The following CCDC88C variants were observed in gnomAD, a reference collection of about 807,000 sequenced individuals.
CCDC88C encodes the protein coiled-coil and HOOK domain protein 88C.
In CCDC88C, 131 loss-of-function variants were observed where a neutral mutation model predicts 198.8. That is an observed-to-expected ratio of 0.66 (90% CI 0.57 to 0.76). The LOEUF is 0.76. CCDC88C is among the 30% of genes least tolerant of loss of function. The pLI, the probability that CCDC88C is intolerant of heterozygous loss-of-function variation, is 0.00. For missense variants in CCDC88C, 2,553 were observed against 2,631.6 expected (o/e 0.97, Z 0.65); for synonymous variants, 1,166 against 1,114.7 (o/e 1.05, Z -0.92).
chr14:91,300,210 G>A (rs1204768184), intron 20 of CCDC88C, 140 bp from the exon 21 acceptor site: 2 of 1,289,906 alleles, frequency 1.6e-6, no homozygotes, highest in Non-Finnish European at 2.1e-6. Flanking sequence ...TGAGGGGCAT[G>A]GGGCAGGGAA....
In CCDC88C at chr14:91,371,525, C is replaced by T; in HGVS notation, c.271-11814G>A. On this transcript the variant is annotated intron_variant, in intron 3 of 29. Coordinates refer to ENST00000389857, the MANE Select transcript of CCDC88C (RefSeq NM_001080414.4). This position sits in a 1 kb window ranked among gnomAD's most constrained non-coding sequence, Gnocchi z 4.2. ...GGCAGGAGTACAGCACAGACCAAGA[C>T]CACAGTCTTGGTCCCGAGGAGCCTG... Among the ~76,000 whole-genome samples the T allele has an allele frequency of 6.6e-6, 1 of 152,076 alleles. No homozygotes were observed. The highest frequency in any genetic ancestry group is 1.9e-4 in the East Asian group (1 of 5,180).
intron 10 of CCDC88C, 145 bp from the exon 11 acceptor site, chr14:91,326,201 CTTT>C (rs200507629): frequency 3.5e-6 from 2 of 567,464 alleles, no homozygotes; most frequent in Middle Eastern, 3.6e-4. Context: ...TTTTCCTCTA[CTTT>C]TTTTTTTATC....
Position 91,338,283 on chromosome 14 carries a change from G to T in CCDC88C, c.892-120C>A. 1 of 1,269,530 alleles carries T rather than the reference G, an allele frequency of 7.9e-7. No homozygotes were observed. The highest frequency in any genetic ancestry group is 1.1e-6 in the Non-Finnish European group (1 of 913,870). The allele number at this position is 1,269,530 out of a possible 1,614,324, so 78.6% of individuals were successfully genotyped here. On this transcript the variant is annotated intron_variant, in intron 9 of 29. Transcript: ENST00000389857. This position sits in a 1 kb window ranked among gnomAD's most constrained non-coding sequence, Gnocchi z 4.8. ...GCCCAGGACAAGCCAGCTCCTGGTG[G>T]CCGGGGGCCTCCATGTGCCACCACC...
intron 3 of CCDC88C, among the ~76,000 whole-genome samples, chr14:91,404,612 A>G (rs1886382516): frequency 6.6e-6 from 1 of 152,172 alleles, no homozygotes; most frequent in South Asian, 2.1e-4. Context: ...ACTCTCACCC[A>G]CTGATTCTCA....
At chr14:91,400,865 C>T (rs964187152) in intron 3 of CCDC88C, among the ~76,000 whole-genome samples, 4 of 152,110 alleles carry the variant, frequency 2.6e-5, no homozygotes, top group Non-Finnish European at 4.4e-5. Context: ...TGTCCTTTGA[C>T]CTAGGAACTC....
intron 20 of CCDC88C, among the ~76,000 whole-genome samples, chr14:91,303,033 C>T (rs547822203): frequency 4.6e-5 from 7 of 152,304 alleles, no homozygotes; most frequent in African/African-American, 1.7e-4. Context: ...CTAAAGGTAA[C>T]GTTTATTTCC....
At chr14:91,384,536 AATC>A (rs908859468) in intron 3 of CCDC88C, 5 of 507,074 alleles carry the variant, frequency 9.9e-6, no homozygotes, top group African/African-American at 7.8e-5. Context: ...TCTTCATCAT[AATC>A]ATCACCCCAT....
rs1450782365 is a variant in CCDC88C at position 91,326,006 on chromosome 14, C to T, written c.1101G>A (p.Glu367=). Residue 367 remains glutamate (E), a synonymous_variant, in exon 11 of 30, where the codon GAG becomes GAA. Coordinates refer to ENST00000389857, the MANE Select transcript of CCDC88C (RefSeq NM_001080414.4). ...GGGCCCGAGCAGCAGTCAGCTGTTC[C>T]TCCAGCATGGCCTTGGTTTCAATTA... is the stretch of plus-strand genomic sequence containing the variant. ...IILIETKAML[E]EQLTAARARG... is the part of the protein sequence containing the mutation. 6.2e-7 allele frequency: 1 copy of T among 1,604,786 alleles called. No homozygotes were observed. The highest frequency in any genetic ancestry group is 1.1e-5 in the South Asian group (1 of 89,324).
chr14:91,289,046 C>A, intron 25 of CCDC88C, 59 bp downstream of exon 25: 1 of 1,411,256 alleles, frequency 7.1e-7, no homozygotes, highest in Non-Finnish European at 9.8e-7. Context: ...GCCACCGGTG[C>A]GGGACCCTTC....
chr14:91,371,472 C>T lies in CCDC88C; in HGVS notation c.271-11761G>A, dbSNP rs576798259. Among the ~76,000 whole-genome samples, 17 of 152,118 alleles carry T rather than the reference C, an allele frequency of 1.1e-4. No homozygotes were observed. Among genetic ancestry groups the T allele is most frequent in the South Asian group, 6.2e-4 (3 of 4,814 alleles). ...TCCAGGCCCAGCCAACCTCACCCGCCGGTGGCAGGAGTACAGAGGCCGGCG... is the reference window on the plus strand; with the variant it reads ...TCCAGGCCCAGCCAACCTCACCCGCTGGTGGCAGGAGTACAGAGGCCGGCG... On this transcript the variant is annotated intron_variant, in intron 3 of 29. Transcript: ENST00000389857. This position sits in a 1 kb window ranked among gnomAD's most constrained non-coding sequence, Gnocchi z 4.2.
At chr14:91,400,102 T>C (rs556318178) in intron 3 of CCDC88C, among the ~76,000 whole-genome samples, 8 of 151,708 alleles carry the variant, frequency 5.3e-5, no homozygotes, top group East Asian at 1.9e-4. Context: ...CCATATCCCA[T>C]GTCCTGCGTA....
intron 4 of CCDC88C, among the ~76,000 whole-genome samples, chr14:91,355,319 G>A (rs1434662040): frequency 2.0e-5 from 3 of 152,166 alleles, no homozygotes; most frequent in Non-Finnish European, 2.9e-5. Context: ...GGCGAAGGAC[G>A]CTCTACGGCA....
Position 91,273,329 on chromosome 14 carries a change from C to A in CCDC88C, c.5383G>T (p.Ala1795Ser). 2 of 1,553,192 alleles carry A rather than the reference C, an allele frequency of 1.3e-6. No individual in the cohort carries two copies. Among genetic ancestry groups the A allele is most frequent in the Non-Finnish European group, 1.7e-6 (2 of 1,147,488 alleles). ...CGGCTCAAGGAGGCACTGCGGCTGGCAGGTGCATGGGAAGCTGGGGGCACC... is the reference window on the plus strand; with the variant it reads ...CGGCTCAAGGAGGCACTGCGGCTGGAAGGTGCATGGGAAGCTGGGGGCACC... ...APVPPASHAP[A>S]SRSASLSRAF... Residue 1795 changes from alanine to serine, a missense_variant, in exon 30 of 30, where the codon GCC (alanine) becomes TCC (serine). Transcript: ENST00000389857. The surrounding 1 kb of genome is among the most constrained non-coding windows in gnomAD (Gnocchi z 5.6).
rs756980237 is a variant in CCDC88C, at chr14:91,314,118, G to A, written c.1698C>T (p.Leu566=). 2.7e-5 allele frequency: 43 copies of A among 1,612,664 alleles called. No individual in the cohort carries two copies. The highest frequency in any genetic ancestry group is 3.6e-5 in the Non-Finnish European group (42 of 1,179,538). ...CCCGCAGCGACCACATGGCTCGGTT[G>A]AGGTGGTCCTTTTCCTGCTCAAGGT... ...IKDLEQEKDH[L]NRAMWSLRER... The change falls in exon 15 of 30, where the codon CTC becomes CTT. Residue 566 remains leucine (L), a synonymous_variant. Transcript: ENST00000389857.
intron 3 of CCDC88C, among the ~76,000 whole-genome samples, chr14:91,386,295 A>AT (rs1885134925): frequency 1.3e-5 from 2 of 149,814 alleles, no homozygotes; most frequent in Non-Finnish European, 3.0e-5. Flanking sequence ...AATACAAAAA[A>AT]AAAAAAAAAC....
At chr14:91,385,815 T>G (rs1436498635) in intron 3 of CCDC88C, among the ~76,000 whole-genome samples, 1 of 150,992 alleles carries the variant, frequency 6.6e-6, no homozygotes, top group Non-Finnish European at 1.5e-5. Flanking sequence ...AAAAAAATAA[T>G]TAATTAAAAC....
chr14:91,275,768 A>G (rs959273433), intron 29 of CCDC88C, among the ~76,000 whole-genome samples: 2 of 150,410 alleles, frequency 1.3e-5, no homozygotes, highest in African/African-American at 4.9e-5. Context: ...CAGCCTCCCA[A>G]AGTGCTGGAA....
At chr14:91,374,952 A>G (rs1472509986) in intron 3 of CCDC88C, among the ~76,000 whole-genome samples, 1 of 152,024 alleles carries the variant, frequency 6.6e-6, no homozygotes, top group African/African-American at 2.4e-5. Flanking sequence ...ATGTGGTGAC[A>G]CTCCCTTACG....
intron 29 of CCDC88C, among the ~76,000 whole-genome samples, chr14:91,277,681 C>T (rs542692016): frequency 1.3e-5 from 2 of 152,324 alleles, no homozygotes; most frequent in South Asian, 4.1e-4. Context: ...ACCCTTGGTG[C>T]GGGCCACAAG....
Sources: gnomAD v4.1 joint callset for allele counts (sites outside exome capture counted in the v4.1 genomes callset) on GRCh38, gnomAD v4.1.1 for gene constraint, Gnocchi (gnomAD v3.1) non-coding constraint, MANE v1.5 for transcripts, NCBI Gene and HGNC (gene_info 2026-07-23, HGNC 2026-07-21) for gene names.